Variants in LINGO2 observed in about 807,000 individuals in gnomAD.
LINGO2 encodes leucine rich repeat and Ig domain containing 2.
In LINGO2, 14 loss-of-function variants were observed where a neutral mutation model predicts 30.6. The ratio of observed to expected loss-of-function variants is 0.46; its 90% CI spans 0.30 to 0.72. The LOEUF (loss-of-function observed/expected upper bound fraction) is 0.72, where lower values mean the gene tolerates loss of function less well. Ranked by LOEUF, LINGO2 falls within the 30% of genes least tolerant of loss-of-function variation. LINGO2 has a pLI of 0.07. For missense variants in LINGO2, 729 were observed against 751.7 expected (o/e 0.97, Z 0.35); for synonymous variants, 317 against 288.5 (o/e 1.10, Z -1.00).
At chr9:28,512,583 ATATATGTGTG>A (rs1463628792) in intron 1 of LINGO2, among the ~76,000 whole-genome samples, 1,056 of 4,718 alleles carry the variant, frequency 0.22, 38 homozygotes, top group East Asian at 0.46. Flanking sequence ...CTAACAGGAT[ATATATGTGTG>A]TATATATATA....
chr9:29,138,476 T>G, the LINGO2 span, among the ~76,000 whole-genome samples: 1 of 152,140 alleles, frequency 6.6e-6, no homozygotes, highest in African/African-American at 2.4e-5. Flanking sequence ...AGAGTATATA[T>G]TTTATGTTCT....
At chr9:28,542,832 G>GC (rs1478170570) in intron 1 of LINGO2, among the ~76,000 whole-genome samples, 1 of 152,038 alleles carries the variant, frequency 6.6e-6, no homozygotes, top group Admixed American at 6.6e-5. Flanking sequence ...GTGAAACAGT[G>GC]CATGAACCAC....
the LINGO2 span, among the ~76,000 whole-genome samples, chr9:28,704,336 T>C: frequency 1.3e-5 from 2 of 152,056 alleles, no homozygotes; most frequent in Admixed American, 6.6e-5. Flanking sequence ...TTTCTCCTTC[T>C]GGTATTTTTC....
At chr9:28,004,917 G>T (rs1204156305) in intron 5 of LINGO2, among the ~76,000 whole-genome samples, 1 of 152,078 alleles carries the variant, frequency 6.6e-6, no homozygotes. Context: ...TGTTTTTATC[G>T]ATATGATTTT....
At chr9:28,677,302 T>G in the LINGO2 span, among the ~76,000 whole-genome samples, 1 of 152,160 alleles carries the variant, frequency 6.6e-6, no homozygotes, top group Non-Finnish European at 1.5e-5. Context: ...GACATGTTCC[T>G]TAACCAAAAA....
At chr9:29,156,516 A>G in the LINGO2 span, among the ~76,000 whole-genome samples, 1 of 152,226 alleles carries the variant, frequency 6.6e-6, no homozygotes, top group African/African-American at 2.4e-5. Context: ...AGATAAATGT[A>G]TTTTGGTACA....
chr9:28,336,450 T>A (rs1383846680), intron 3 of LINGO2, among the ~76,000 whole-genome samples: 2 of 152,194 alleles, frequency 1.3e-5, no homozygotes, highest in African/African-American at 4.8e-5. Flanking sequence ...TTTTTCTTTT[T>A]GGATTTCTTT....
intron 4 of LINGO2, among the ~76,000 whole-genome samples, chr9:28,151,717 GT>G (rs1053820100): frequency 3.3e-5 from 5 of 151,760 alleles, no homozygotes; most frequent in Admixed American, 6.6e-5. Context: ...ACTTTTAAGA[GT>G]TTTTTTATAT....
chr9:28,943,072 C>T, the LINGO2 span, among the ~76,000 whole-genome samples: 3 of 152,074 alleles, frequency 2.0e-5, no homozygotes, highest in South Asian at 6.2e-4. Context: ...TATATTAAGG[C>T]ATATAATAAG....
At chr9:28,055,345 G>A (rs1824876684) in intron 4 of LINGO2, among the ~76,000 whole-genome samples, 1 of 152,084 alleles carries the variant, frequency 6.6e-6, no homozygotes, top group Admixed American at 6.6e-5. Context: ...GGATGGAAAA[G>A]GGCTGCTCAA....
the LINGO2 span, among the ~76,000 whole-genome samples, chr9:29,176,264 A>G: frequency 1.3e-5 from 2 of 152,040 alleles, no homozygotes; most frequent in Non-Finnish European, 2.9e-5. Context: ...ATCTTCTCTC[A>G]CTCTTGTTTT....
At chr9:28,057,585 GTA>G (rs1824992752) in intron 4 of LINGO2, among the ~76,000 whole-genome samples, 1 of 21,228 alleles carries the variant, frequency 4.7e-5, no homozygotes, top group Non-Finnish European at 1.3e-4. Flanking sequence ...ACACATATAT[GTA>G]TATACATATA....
the LINGO2 span, among the ~76,000 whole-genome samples, chr9:29,017,279 G>C: frequency 1.3e-5 from 2 of 151,958 alleles, no homozygotes; most frequent in African/African-American, 2.4e-5. Context: ...AAACAATGAA[G>C]ATTGAAATAA....
intron 2 of LINGO2, among the ~76,000 whole-genome samples, chr9:28,455,526 A>G (rs1407883217): frequency 6.6e-6 from 1 of 152,096 alleles, no homozygotes; most frequent in Non-Finnish European, 1.5e-5. Flanking sequence ...TACAATCAAA[A>G]CCAATGCATG....
chr9:28,961,229 G>C, the LINGO2 span, among the ~76,000 whole-genome samples: 1 of 152,082 alleles, frequency 6.6e-6, no homozygotes, highest in Non-Finnish European at 1.5e-5. Context: ...AATGCACATA[G>C]GTTTGCCTTC....
rs189241794 is a variant in LINGO2 at position 28,583,433 on chromosome 9, G to A, written c.-365+86767C>T. On this transcript the variant is annotated intron_variant, in intron 1 of 5. Transcript: ENST00000379992. ...TTTTCATAACGTAGCCACAATGCAA[G>A]TTATCATACTTCAGAAAAACATTTC... Among the ~76,000 whole-genome samples the A allele has an allele frequency of 5.5e-3, 836 of 152,008 alleles. 7 individuals carry two copies. Among genetic ancestry groups the A allele is most frequent in the Non-Finnish European group, 7.9e-3 (535 of 67,944 alleles).
chr9:28,128,888 G>C (rs557584356), intron 4 of LINGO2, among the ~76,000 whole-genome samples: 20 of 152,260 alleles, frequency 1.3e-4, no homozygotes, highest in Middle Eastern at 3.4e-3. Flanking sequence ...AGTGGACTGG[G>C]AAAGGCAGAC....
the LINGO2 span, among the ~76,000 whole-genome samples, chr9:28,850,047 C>T: frequency 1.3e-5 from 2 of 152,120 alleles, no homozygotes; most frequent in East Asian, 1.9e-4. Context: ...ATAATACCCA[C>T]TTTAGTTCTA....
the LINGO2 span, among the ~76,000 whole-genome samples, chr9:29,021,737 GAA>G: frequency 6.7e-6 from 1 of 149,846 alleles, no homozygotes; most frequent in Non-Finnish European, 1.5e-5. Flanking sequence ...AGGAAGGAAG[GAA>G]GGAAGGAAAG....
Sources: gnomAD v4.1 joint callset for allele counts (sites outside exome capture counted in the v4.1 genomes callset) on GRCh38, gnomAD v4.1.1 for gene constraint, MANE v1.5 for transcripts, NCBI Gene and HGNC (gene_info 2026-07-23, HGNC 2026-07-21) for gene names.